NAGS: variants seen among roughly 807,000 people sequenced by gnomAD.
NAGS encodes the protein N-acetylglutamate synthase, mitochondrial.
NAGS carries 34 observed loss-of-function variants against 46.9 expected under a neutral mutation model. The observed-to-expected ratio is 0.72, with a 90% CI of 0.55 to 0.97. The LOEUF is 0.97. Ranked by LOEUF, NAGS falls within the 50% of genes least tolerant of loss-of-function variation. The pLI, the probability that NAGS is intolerant of heterozygous loss-of-function variation, is 0.00. For missense variants in NAGS, 665 were observed against 747.0 expected (o/e 0.89, Z 1.28); for synonymous variants, 334 against 346.3 (o/e 0.96, Z 0.39).
chr17:44,004,993 G>A lies in NAGS; in HGVS notation c.330G>A (p.Leu110=). The change falls in exon 1 of 7, where the codon CTG becomes CTA. Residue 110 remains leucine, a synonymous_variant. Coordinates refer to ENST00000293404, the MANE Select transcript of NAGS (RefSeq NM_153006.3). The part of the protein sequence containing the change: ...SLVQRDIQAF[L]NQCGASPGEA... Reference sequence around the variant, plus strand: ...TGCAGCGGGACATCCAGGCCTTCCTGAACCAGTGCGGGGCCAGCCCTGGGG... The same window carrying A: ...TGCAGCGGGACATCCAGGCCTTCCTAAACCAGTGCGGGGCCAGCCCTGGGG... 3 of 1,548,288 alleles carry A rather than the reference G, an allele frequency of 1.9e-6. No individual in the cohort carries two copies. Among genetic ancestry groups the A allele is most frequent in the Non-Finnish European group, 1.7e-6 (2 of 1,152,810 alleles).
In NAGS at chr17:44,005,125, G is replaced by A. The variant is rs1304030050; in HGVS notation, c.426+36G>A. ...CCCGGCGTGGGCCGTGACGCAGCGAGGGGATGGGGTTGTGCGGCCACCTGT... is the reference window on the plus strand; with the variant it reads ...CCCGGCGTGGGCCGTGACGCAGCGAAGGGATGGGGTTGTGCGGCCACCTGT... On this transcript the variant is annotated intron_variant, in intron 1 of 6. Coordinates refer to ENST00000293404, the MANE Select transcript of NAGS (RefSeq NM_153006.3). The surrounding 1 kb of genome is among the most constrained non-coding windows in gnomAD (Gnocchi z 7.2). The A allele has an allele frequency of 9.7e-6, 15 of 1,545,706 alleles. No homozygotes were observed. The highest frequency in any genetic ancestry group is 1.3e-5 in the Non-Finnish European group (15 of 1,149,258).
Position 44,006,790 on chromosome 17 carries a change from G to C in NAGS, c.1096+81G>C. On this transcript the variant is annotated intron_variant, in intron 4 of 6. Coordinates refer to ENST00000293404, the MANE Select transcript of NAGS (RefSeq NM_153006.3). This position sits in a 1 kb window ranked among gnomAD's most constrained non-coding sequence, Gnocchi z 4.8. ...CTGGGTGTCTGCGGTCAGGAGGAGC[G>C]GCTTCTCCTCCTGTCCAGGAGCCGT... The C allele has an allele frequency of 7.1e-7, 1 of 1,417,030 alleles. No homozygotes were observed. Among genetic ancestry groups the C allele is most frequent in the Non-Finnish European group, 9.5e-7 (1 of 1,049,672 alleles). The allele number at this position is 1,417,030 out of a possible 1,614,324, so 87.8% of individuals were successfully genotyped here.
Position 44,004,694 on chromosome 17 carries a change from C to G in NAGS, c.31C>G (p.Arg11Gly), listed in dbSNP as rs760911430. The change falls in exon 1 of 7, where the codon CGG (arginine) becomes GGG (glycine). Residue 11 changes from arginine to glycine, a missense_variant. Transcript: ENST00000293404. Reference sequence around the variant, plus strand: ...GACGGCGCTGATGGCTGTGGTTCTGCGGGCAGCTGCTGTAGCCCCGAGGCT... The same window carrying G: ...GACGGCGCTGATGGCTGTGGTTCTGGGGGCAGCTGCTGTAGCCCCGAGGCT... MATALMAVVL[R>G]AAAVAPRLRG... The G allele has an allele frequency of 5.2e-6, 8 of 1,529,702 alleles. No individual in the cohort carries two copies. Among genetic ancestry groups the G allele is most frequent in the Non-Finnish European group, 5.3e-6 (6 of 1,136,748 alleles). 94.8% of individuals were successfully genotyped at this position (1,529,702 alleles called of 1,614,324 possible).
chr17:44,006,173 C>A lies in NAGS; in HGVS notation c.851C>A (p.Ala284Glu). ...SLEVTASLAK[A>E]LRPTKIIFLN... is the part of the protein sequence containing the mutation. ...GAGGTGACCGCGTCGCTGGCCAAGG[C>A]GCTGCGGCCCACCAAAATCATCTTC... Residue 284 changes from alanine to glutamate, a missense_variant, in exon 3 of 7, where the codon GCG (alanine) becomes GAG (glutamate). By Grantham distance (107) the Ala-to-Glu change is moderately radical. Coordinates refer to ENST00000293404, the MANE Select transcript of NAGS (RefSeq NM_153006.3). The surrounding 1 kb of genome is among the most constrained non-coding windows in gnomAD (Gnocchi z 4.8). 1 of 1,613,418 alleles carries A rather than the reference C, an allele frequency of 6.2e-7. No individual in the cohort carries two copies.
Position 44,004,971 on chromosome 17 carries a change from A to G in NAGS, c.308A>G (p.Gln103Arg). The G allele has an allele frequency of 6.5e-7, 1 of 1,541,030 alleles. No homozygotes were observed. Among genetic ancestry groups the G allele is most frequent in the South Asian group, 1.2e-5 (1 of 84,308 alleles). The change falls in exon 1 of 7, where the codon CAG (glutamine) becomes CGG (arginine). Residue 103 changes from glutamine to arginine, a missense_variant. By Grantham distance (43) the Gln-to-Arg change is conservative (BLOSUM62 1). Transcript: ENST00000293404. ...CCTCCTTCGGGCCGCTCGCTGGTGC[A>G]GCGGGACATCCAGGCCTTCCTGAAC... Reference protein sequence around the residue: ...PEPPSGRSLVQRDIQAFLNQC... With the variant: ...PEPPSGRSLVRRDIQAFLNQC...
chr17:44,006,869 G>T lies in NAGS; in HGVS notation c.1096+160G>T. 1.4e-6 allele frequency: 1 copy of T among 739,120 alleles called. No homozygotes were observed. Among genetic ancestry groups the T allele is most frequent in the African/African-American group, 1.8e-5 (1 of 56,710 alleles). 45.8% of individuals were successfully genotyped at this position (739,120 alleles called of 1,614,324 possible). ...GGCTCCTGCTGCTGCCGAAACCCGG[G>T]GGAGGTGAGAGAGGAGGAGACCCAG... On this transcript the variant is annotated intron_variant, in intron 4 of 6. Coordinates refer to ENST00000293404, the MANE Select transcript of NAGS (RefSeq NM_153006.3). This position sits in a 1 kb window ranked among gnomAD's most constrained non-coding sequence, Gnocchi z 4.8.
chr17:44,008,570 T>G lies in NAGS; in HGVS notation c.1574T>G (p.Phe525Cys), dbSNP rs2049124051. The change falls in exon 7 of 7, where the codon TTT becomes TGT. Residue 525 changes from phenylalanine (F) to cysteine (C), a missense_variant. Phe to Cys is a radical substitution (Grantham distance 205). Transcript: ENST00000293404. ...CACGCCAAGGGACTGCCAGACTCCT[T>G]TCACAAGCCAGCTTCTGACCCAGGC... ...VNHAKGLPDS[F>C]HKPASDPGS 1 of 1,614,210 alleles carries G rather than the reference T, an allele frequency of 6.2e-7. No individual in the cohort carries two copies. Among genetic ancestry groups the G allele is most frequent in the East Asian group, 2.2e-5 (1 of 44,894 alleles).
chr17:44,008,705 G>A lies in NAGS; in HGVS notation c.*104G>A, dbSNP rs2049125765. ...GCCAGCCACAGGCTGAAGGGGGCTT[G>A]TTGGCTGAGTGATCTGCAGAGGAGA... On this transcript the variant is annotated 3_prime_UTR_variant, in exon 7 of 7. Coordinates refer to ENST00000293404, the MANE Select transcript of NAGS (RefSeq NM_153006.3). 1 of 1,468,900 alleles carries A rather than the reference G, an allele frequency of 6.8e-7. No individual in the cohort carries two copies. The highest frequency in any genetic ancestry group is 9.5e-7 in the Non-Finnish European group (1 of 1,053,354). The allele number at this position is 1,468,900 out of a possible 1,614,324, so 91.0% of individuals were successfully genotyped here. A position where few individuals can be genotyped will look rare whatever the true frequency, so the allele number is the denominator to read the frequency against.
Position 44,007,001 on chromosome 17 carries a change from G to C in NAGS, c.1096+292G>C. On this transcript the variant is annotated intron_variant, in intron 4 of 6. Transcript: ENST00000293404. The surrounding 1 kb of genome is among the most constrained non-coding windows in gnomAD (Gnocchi z 5.1). ...CCAGGGGCGGGACCATAAGGGAGGT[G>C]TTCGACCGGGAGAGATGGGCGGGGC... 1 of 475,310 alleles carries C rather than the reference G, an allele frequency of 2.1e-6. No homozygotes were observed. The allele number at this position is 475,310 out of a possible 1,614,324, so 29.4% of individuals were successfully genotyped here.
Position 44,008,585 on chromosome 17 carries a change from C to G in NAGS, c.1589C>G (p.Ser530Cys), listed in dbSNP as rs768747344. 6.2e-7 allele frequency: 1 copy of G among 1,614,138 alleles called. No homozygotes were observed. Among genetic ancestry groups the G allele is most frequent in the East Asian group, 2.2e-5 (1 of 44,890 alleles). Residue 530 changes from serine to cysteine, a missense_variant, in exon 7 of 7, where the codon TCT becomes TGT. Transcript: ENST00000293404. ...CCAGACTCCTTTCACAAGCCAGCTT[C>G]TGACCCAGGCAGCTGACCCTCACCA... ...GLPDSFHKPASDPGS is the reference protein window; with the variant it reads ...GLPDSFHKPACDPGS
rs1597864285 is a variant in NAGS, at chr17:44,005,170, C to A, written c.426+81C>A. 2.7e-6 allele frequency: 4 copies of A among 1,490,724 alleles called. No homozygotes were observed. The highest frequency in any genetic ancestry group is 2.5e-5 in the South Asian group (2 of 78,834). 92.3% of individuals were successfully genotyped at this position (1,490,724 alleles called of 1,614,324 possible). A position where few individuals can be genotyped will look rare whatever the true frequency, so the allele number is the denominator to read the frequency against. Reference sequence around the variant, plus strand: ...ACCTGTCCTCAGGCATGGCAGGATACGCTGCGGGCTCTGCGCAGCGGAAGC... The same window carrying A: ...ACCTGTCCTCAGGCATGGCAGGATAAGCTGCGGGCTCTGCGCAGCGGAAGC... On this transcript the variant is annotated intron_variant, in intron 1 of 6. Coordinates refer to ENST00000293404, the MANE Select transcript of NAGS (RefSeq NM_153006.3). The surrounding 1 kb of genome is among the most constrained non-coding windows in gnomAD (Gnocchi z 7.2).
Position 44,008,520 on chromosome 17 carries a change from C to G in NAGS, c.1524C>G (p.Ile508Met), listed in dbSNP as rs2049123173. The change falls in exon 7 of 7, where the codon ATC (isoleucine) becomes ATG (methionine). Residue 508 changes from isoleucine to methionine, a missense_variant. By Grantham distance (10) the Ile-to-Met change is conservative. Coordinates refer to ENST00000293404, the MANE Select transcript of NAGS (RefSeq NM_153006.3). Reference sequence around the variant, plus strand: ...TCTTCTGGTTTGGCCTGGCTGATATCCGGGACTCCTATGAGTTGGTCAACC... The same window carrying G: ...TCTTCTGGTTTGGCCTGGCTGATATGCGGGACTCCTATGAGTTGGTCAACC... Reference protein sequence around the residue: ...WIFFWFGLADIRDSYELVNHA... With the variant: ...WIFFWFGLADMRDSYELVNHA... 4 of 1,614,264 alleles carry G rather than the reference C, an allele frequency of 2.5e-6. No individual in the cohort carries two copies. The Admixed American group carries it at 6.7e-5, about 27-fold the overall frequency.
Position 44,006,429 on chromosome 17 carries a change from A to C in NAGS, c.916-100A>C. 1.3e-6 allele frequency: 2 copies of C among 1,512,190 alleles called. No individual in the cohort carries two copies. The highest frequency in any genetic ancestry group is 1.8e-6 in the Non-Finnish European group (2 of 1,117,586). The allele number at this position is 1,512,190 out of a possible 1,614,324, so 93.7% of individuals were successfully genotyped here. ...CTCCCTGGCTAAGGACTCCGGGCGG[A>C]AGTAAGGATAAAGGGGTCAGAGAAA... On this transcript the variant is annotated intron_variant, in intron 3 of 6. Transcript: ENST00000293404. This position sits in a 1 kb window ranked among gnomAD's most constrained non-coding sequence, Gnocchi z 4.8.
In NAGS at chr17:44,006,633, C is replaced by T; in HGVS notation, c.1020C>T (p.Leu340=). 1.2e-6 allele frequency: 2 copies of T among 1,608,504 alleles called. No individual in the cohort carries two copies. The change falls in exon 4 of 7, where the codon CTC becomes CTT. Residue 340 remains leucine, a synonymous_variant. Transcript: ENST00000293404. This position sits in a 1 kb window ranked among gnomAD's most constrained non-coding sequence, Gnocchi z 4.8. The stretch of plus-strand genomic sequence containing the variant: ...AGATGCGGCTCATCGTGGACGTGCT[C>T]AGCCGCCTGCCCCACCACTCCTCGG... The part of the protein sequence containing the change: ...RQQMRLIVDV[L]SRLPHHSSAV...
chr17:44,004,767 C>A lies in NAGS; in HGVS notation c.104C>A (p.Ala35Glu). Reference sequence around the variant, plus strand: ...GGCGCCCGAAGGCTGAGCTGTGGCGCGCGGCGGCGGGCGGCGAGGGGCACC... The same window carrying A: ...GGCGCCCGAAGGCTGAGCTGTGGCGAGCGGCGGCGGGCGGCGAGGGGCACC... ...TGGARRLSCGARRRAARGTSP... is the reference protein window; with the variant it reads ...TGGARRLSCGERRRAARGTSP... Residue 35 changes from alanine (A) to glutamate (E), a missense_variant, in exon 1 of 7, where the codon GCG becomes GAG. Transcript: ENST00000293404. 7.2e-7 allele frequency: 1 copy of A among 1,397,204 alleles called. No individual in the cohort carries two copies. The highest frequency in any genetic ancestry group is 9.2e-7 in the Non-Finnish European group (1 of 1,081,824). 86.6% of individuals were successfully genotyped at this position (1,397,204 alleles called of 1,614,324 possible). A position where few individuals can be genotyped will look rare whatever the true frequency, so the allele number is the denominator to read the frequency against.
In NAGS at chr17:44,007,591, G is replaced by C. The variant is rs969457898; in HGVS notation, c.1269G>C (p.Gly423=). ...GCCTGCCGCTCTCCCGCTGCGCCAG[G>C]TACAACGCCGCCGCCATTCTGACCA... ...PRLHSIYVSE[G]YNAAAILTME... Residue 423 remains glycine, a splice_region_variant and synonymous_variant, in exon 6 of 7, where the codon GGG becomes GGC. Transcript: ENST00000293404. This position sits in a 1 kb window ranked among gnomAD's most constrained non-coding sequence, Gnocchi z 5.1. 6.2e-7 allele frequency: 1 copy of C among 1,609,712 alleles called. No homozygotes were observed. Among genetic ancestry groups the C allele is most frequent in the African/African-American group, 1.3e-5 (1 of 74,926 alleles).
rs1220612218 is a variant in NAGS, at chr17:44,006,958, G to C, written c.1096+249G>C. Reference sequence around the variant, plus strand: ...GCGGGACTAGGGGGGAGAAGGAGGGGCCCCCCGGTGGGCGGGGCCAGGGGC... The same window carrying C: ...GCGGGACTAGGGGGGAGAAGGAGGGCCCCCCCGGTGGGCGGGGCCAGGGGC... On this transcript the variant is annotated intron_variant, in intron 4 of 6. Transcript: ENST00000293404. This position sits in a 1 kb window ranked among gnomAD's most constrained non-coding sequence, Gnocchi z 4.8. 1.1e-5 allele frequency: 4 copies of C among 356,158 alleles called. No homozygotes were observed. Among genetic ancestry groups the C allele is most frequent in the South Asian group, 2.9e-5 (1 of 34,358 alleles). 22.1% of individuals were successfully genotyped at this position (356,158 alleles called of 1,614,324 possible).
chr17:44,005,914 G>A lies in NAGS; in HGVS notation c.701+3G>A. 6.5e-7 allele frequency: 1 copy of A among 1,548,396 alleles called. No homozygotes were observed. Among genetic ancestry groups the A allele is most frequent in the Non-Finnish European group, 8.7e-7 (1 of 1,150,986 alleles). On this transcript the variant is annotated splice_donor_region_variant and intron_variant, in intron 2 of 6. Transcript: ENST00000293404. The surrounding 1 kb of genome is among the most constrained non-coding windows in gnomAD (Gnocchi z 7.2). Reference sequence around the variant, plus strand: ...GCCGAGCCGGCTCCCCATGCCAGGTGAGTGCCCGCCCTGCCCGCCCAGGCG... The same window carrying A: ...GCCGAGCCGGCTCCCCATGCCAGGTAAGTGCCCGCCCTGCCCGCCCAGGCG...
chr17:44,007,735 T>C lies in NAGS; in HGVS notation c.1413T>C (p.Leu471=), dbSNP rs745475802. The C allele has an allele frequency of 6.3e-7, 1 of 1,593,980 alleles. No individual in the cohort carries two copies. Among genetic ancestry groups the C allele is most frequent in the Non-Finnish European group, 8.6e-7 (1 of 1,169,328 alleles). Residue 471 remains leucine (L), a synonymous_variant, in exon 6 of 7, where the codon CTT becomes CTC. Transcript: ENST00000293404. This position sits in a 1 kb window ranked among gnomAD's most constrained non-coding sequence, Gnocchi z 5.1. ...WECLRRDLQT[L]FWRSRVTNPI... is the part of the protein sequence containing the mutation. ...GCCTGCGGCGGGACCTTCAGACACT[T>C]TTCTGGCGCTCCCGGGTCACCAACC...
Sources: gnomAD v4.1 joint callset for allele counts on GRCh38, gnomAD v4.1.1 for gene constraint, Gnocchi (gnomAD v3.1) non-coding constraint, MANE v1.5 for transcripts, NCBI Gene and HGNC (gene_info 2026-07-23, HGNC 2026-07-21) for gene names.